The following IQGAP2 variants were observed in gnomAD, a reference collection of about 807,000 sequenced individuals.
The protein encoded by IQGAP2 is IQ motif containing GTPase activating protein 2.
Under a neutral mutation model 201.3 loss-of-function variants are expected in IQGAP2, and 173 were observed. The observed-to-expected ratio is 0.86, with a 90% CI of 0.76 to 0.98. The LOEUF is 0.98. IQGAP2 is among the 50% of genes least tolerant of loss of function. IQGAP2 has a pLI of 0.00. For missense variants in IQGAP2, 1,687 were observed against 1,864.8 expected, an observed-to-expected ratio of 0.90 and a Z score of 1.76; for synonymous variants, 675 against 673.9, an observed-to-expected ratio of 1.00 and a Z score of -0.03.
At chr5:76,504,610 C>T (rs1411540210) in intron 2 of IQGAP2, among the ~76,000 whole-genome samples, 7 of 152,096 alleles carry the variant, frequency 4.6e-5, no homozygotes, top group South Asian at 2.1e-4. Flanking sequence ...CAACATTCTC[C>T]GCCACTGTGT....
intron 26 of IQGAP2, 142 bp from the exon 27 acceptor site, chr5:76,674,335 T>A (rs1744616272): frequency 1.6e-6 from 1 of 608,820 alleles, no homozygotes; most frequent in East Asian, 2.8e-5. Context: ...TTTATTAAAC[T>A]CCTTGTTAGG....
In IQGAP2 at chr5:76,575,951, T is replaced by C. The variant is rs1264090769; in HGVS notation, c.458+182T>C. On this transcript the variant is annotated intron_variant, in intron 5 of 35. Coordinates refer to ENST00000274364, the MANE Select transcript of IQGAP2 (RefSeq NM_006633.5). ...GGTCACATATAAGCAATTCTTGAAC[T>C]TGAAAAATGTTTTTCTGATTTTTAA... Among the ~76,000 whole-genome samples, 3 of 152,216 alleles carry C rather than the reference T, an allele frequency of 2.0e-5. 1 individual carries two copies. In the East Asian group the frequency reaches 5.8e-4, roughly 29 times the overall value.
Position 76,658,617 on chromosome 5 carries a change from C to G in IQGAP2, c.2479C>G (p.Leu827Val). 1 of 1,613,994 alleles carries G rather than the reference C, an allele frequency of 6.2e-7. No individual in the cohort carries two copies. The highest frequency in any genetic ancestry group is 1.3e-5 in the African/African-American group (1 of 75,032). The change falls in exon 21 of 36, where the codon CTG becomes GTG. Residue 827 changes from leucine (L) to valine (V), a missense_variant. Physicochemically the swap from Leu to Val is conservative, Grantham distance 32 (BLOSUM62 1). Transcript: ENST00000274364. ...ANQQLEKDLNLMDIKIGLLVK... is the reference protein window; with the variant it reads ...ANQQLEKDLNVMDIKIGLLVK... ...TCAACAGCTGGAAAAAGACCTGAAC[C>G]TGATGGACATCAAGATTGGACTGCT...
chr5:76,573,699 C>A (rs1561475089), intron 4 of IQGAP2, among the ~76,000 whole-genome samples: 1 of 152,152 alleles, frequency 6.6e-6, no homozygotes, highest in Non-Finnish European at 1.5e-5. Flanking sequence ...GCAATCTTCG[C>A]CTCCTGGGTT....
rs76612467 is a variant in IQGAP2 at position 76,544,474 on chromosome 5, C to T, written c.147-17922C>T. 4.3e-3 allele frequency among the ~76,000 whole-genome samples: 653 copies of T among 151,846 alleles called. 4 individuals are homozygous for T. Among genetic ancestry groups the T allele is most frequent in the East Asian group, 0.018 (94 of 5,186 alleles). ...ATTAACCTACATATAAAATCAAGGA[C>T]ATATAGCCAAGCACAGCAGCAAATG... is the stretch of plus-strand genomic sequence containing the variant. On this transcript the variant is annotated intron_variant, in intron 2 of 35. Transcript: ENST00000274364.
At chr5:76,616,233 C>T (rs923203812) in intron 13 of IQGAP2, 9 of 152,232 alleles carry the variant, frequency 5.9e-5, no homozygotes, top group African/African-American at 1.9e-4. Flanking sequence ...GCCTGAGAAT[C>T]AGGGAAGAAT....
intron 1 of IQGAP2, among the ~76,000 whole-genome samples, chr5:76,429,894 C>CACACAT (rs1401698379): frequency 2.0e-5 from 3 of 150,232 alleles, no homozygotes; most frequent in Non-Finnish European, 4.4e-5. Flanking sequence ...CACACACACA[C>CACACAT]GACTATTTCA....
intron 30 of IQGAP2, among the ~76,000 whole-genome samples, chr5:76,692,756 A>C (rs1185759267): frequency 6.6e-6 from 1 of 152,204 alleles, no homozygotes; most frequent in East Asian, 1.9e-4. Context: ...CCTATTTGTT[A>C]GTTGCTCAGG....
intron 21 of IQGAP2, among the ~76,000 whole-genome samples, chr5:76,663,112 C>T (rs947145868): frequency 6.6e-6 from 1 of 152,214 alleles, no homozygotes; most frequent in African/African-American, 2.4e-5. Flanking sequence ...GCCATTTAGG[C>T]AAGACCTGAC....
In IQGAP2 at chr5:76,562,559, A is replaced by G; in HGVS notation, c.303+7A>G. ...GGAACAAACACGTTATAAGGTAACC[A>G]AGATCTAATTGGTTTTGGCTTCCAG... On this transcript the variant is annotated splice_region_variant and intron_variant, in intron 3 of 35. Coordinates refer to ENST00000274364, the MANE Select transcript of IQGAP2 (RefSeq NM_006633.5). The G allele has an allele frequency of 6.2e-7, 1 of 1,609,866 alleles. No homozygotes were observed. The highest frequency in any genetic ancestry group is 8.5e-7 in the Non-Finnish European group (1 of 1,177,890).
chr5:76,617,486 G>A, intron 13 of IQGAP2: 1 of 897,638 alleles, frequency 1.1e-6, no homozygotes, highest in Non-Finnish European at 1.7e-6. Flanking sequence ...ATATTTCTTA[G>A]GAGCTCGGAA....
At chr5:76,703,736 G>T (rs1384950327) in intron 35 of IQGAP2, among the ~76,000 whole-genome samples, 2 of 150,538 alleles carry the variant, frequency 1.3e-5, no homozygotes, top group East Asian at 3.9e-4. Flanking sequence ...CCAATTTAAA[G>T]AAGTAATTTA....
At chr5:76,409,131 C>T (rs1750964802) in intron 1 of IQGAP2, among the ~76,000 whole-genome samples, 1 of 140,620 alleles carries the variant, frequency 7.1e-6, no homozygotes, top group Non-Finnish European at 1.6e-5. Flanking sequence ...AAAACAACAA[C>T]ACAAAAAAAC....
intron 1 of IQGAP2, among the ~76,000 whole-genome samples, chr5:76,412,495 A>G (rs1751180113): frequency 6.6e-6 from 1 of 152,092 alleles, no homozygotes; most frequent in Non-Finnish European, 1.5e-5. Flanking sequence ...CTCAGTTCTC[A>G]TATTTTACTG....
chr5:76,699,646 TCTCTCTCTCTCTCTCA>T (rs1180141112), intron 33 of IQGAP2: 6 of 128,926 alleles, frequency 4.7e-5, no homozygotes, highest in East Asian at 2.6e-4. Context: ...TCTCTCTCTC[TCTCTCTCTCTCTCTCA>T]CTCTCGTGCT....
At chr5:76,639,018 C>T (rs570968224) in intron 16 of IQGAP2, among the ~76,000 whole-genome samples, 1 of 152,306 alleles carries the variant, frequency 6.6e-6, no homozygotes, top group African/African-American at 2.4e-5. Context: ...ACTGGTGTCT[C>T]TACAAATACC....
intron 5 of IQGAP2, among the ~76,000 whole-genome samples, chr5:76,578,687 A>G (rs1428693104): frequency 2.0e-5 from 3 of 152,188 alleles, no homozygotes; most frequent in African/African-American, 7.2e-5. Flanking sequence ...TTGTGGAAAA[A>G]ATTGGAAAAT....
chr5:76,664,893 CACAGT>C, intron 21 of IQGAP2, 128 bp from the exon 22 acceptor site: 1 of 589,618 alleles, frequency 1.7e-6, no homozygotes, highest in Admixed American at 3.3e-5. Flanking sequence ...ATCTGTGAAG[CACAGT>C]AAAGCAATGC....
chr5:76,589,601 T>G lies in IQGAP2; in HGVS notation c.527-14T>G. ...TTCTCTGATAATGATTATGATTATT[T>G]TGTTCTTTGTTAGAGGAGGAAATCA... is the stretch of plus-strand genomic sequence containing the variant. On this transcript the variant is annotated splice_polypyrimidine_tract_variant and intron_variant, in intron 6 of 35. Coordinates refer to ENST00000274364, the MANE Select transcript of IQGAP2 (RefSeq NM_006633.5). 1 of 1,403,330 alleles carries G rather than the reference T, an allele frequency of 7.1e-7. No homozygotes were observed. The allele number at this position is 1,403,330 out of a possible 1,614,324, so 86.9% of individuals were successfully genotyped here. A position where few individuals can be genotyped will look rare whatever the true frequency, so the allele number is the denominator to read the frequency against.
Sources: allele counts gnomAD v4.1 joint callset (sites outside exome capture counted in the v4.1 genomes callset), GRCh38; gene constraint gnomAD v4.1.1; transcripts MANE v1.5; gene names NCBI Gene and HGNC (gene_info 2026-07-23, HGNC 2026-07-21).